Variants in ARMH3 observed in about 807,000 individuals in gnomAD.
ARMH3 encodes the protein armadillo-like helical domain-containing protein 3.
In ARMH3, 60 loss-of-function variants were observed where a neutral mutation model predicts 99.1. The ratio of observed to expected loss-of-function variants is 0.61; its 90% CI spans 0.49 to 0.75. ARMH3 has a LOEUF of 0.75. Among genes scored for constraint, ARMH3 ranks in the 30% least tolerant of loss-of-function variants. The pLI, the probability that ARMH3 is intolerant of heterozygous loss-of-function variation, is 0.00. For missense variants in ARMH3, 679 were observed against 843.1 expected, an observed-to-expected ratio of 0.81 and a Z score of 2.41; for synonymous variants, 285 against 292.8, an observed-to-expected ratio of 0.97 and a Z score of 0.27.
chr10:101,863,159 C>T (rs1269543157), intron 24 of ARMH3, among the ~76,000 whole-genome samples: 3 of 152,128 alleles, frequency 2.0e-5, no homozygotes, highest in Admixed American at 6.5e-5. Context: ...GCCAAGATCA[C>T]GCCACTGCAC....
At chr10:102,024,325 T>C (rs1360010040) in intron 6 of ARMH3, among the ~76,000 whole-genome samples, 2 of 151,784 alleles carry the variant, frequency 1.3e-5, no homozygotes, top group Non-Finnish European at 2.9e-5. Context: ...TGTACATGCC[T>C]GTAATCCCAG....
At chr10:101,887,362 C>CA (rs974154823) in intron 24 of ARMH3, among the ~76,000 whole-genome samples, 14 of 152,036 alleles carry the variant, frequency 9.2e-5, no homozygotes, top group Non-Finnish European at 8.8e-5. Flanking sequence ...ACCTTAGCAC[C>CA]ACAACTTATA....
intron 20 of ARMH3, among the ~76,000 whole-genome samples, chr10:101,962,291 C>T (rs535465557): frequency 2.0e-5 from 3 of 152,298 alleles, no homozygotes; most frequent in South Asian, 2.1e-4. Flanking sequence ...TCCCAAAATA[C>T]CAACGTGAAG....
intron 4 of ARMH3, among the ~76,000 whole-genome samples, chr10:102,032,375 A>T (rs1189512302): frequency 6.6e-6 from 1 of 152,172 alleles, no homozygotes; most frequent in Non-Finnish European, 1.5e-5. Flanking sequence ...ACAGTTTCTT[A>T]ATGTTTTCTG....
At chr10:101,848,746 G>C (rs917150878) in intron 25 of ARMH3, among the ~76,000 whole-genome samples, 2 of 152,066 alleles carry the variant, frequency 1.3e-5, no homozygotes, top group African/African-American at 4.8e-5. Flanking sequence ...TCGAGACACC[G>C]CTCCCGTAAC....
chr10:101,978,299 T>C lies in ARMH3; in HGVS notation c.1407-2999A>G, dbSNP rs182194982. On this transcript the variant is annotated intron_variant, in intron 19 of 25. Transcript: ENST00000370033. Reference sequence around the variant, plus strand: ...CCCCCAAAATTCATATGGTGAATTATAAATACACATCAATTCCTCTAGCTA... The same window carrying C: ...CCCCCAAAATTCATATGGTGAATTACAAATACACATCAATTCCTCTAGCTA... Among the ~76,000 whole-genome samples, 3 of 151,686 alleles carry C rather than the reference T, an allele frequency of 2.0e-5. No homozygotes were observed. In the East Asian group the frequency reaches 5.8e-4, roughly 29 times the overall value.
intron 2 of ARMH3, among the ~76,000 whole-genome samples, chr10:102,038,261 A>AT (rs1192063691): frequency 1.3e-5 from 2 of 151,468 alleles, no homozygotes; most frequent in Non-Finnish European, 2.9e-5. Flanking sequence ...TGCTCAGCTA[A>AT]TTTTTTGTAT....
At chr10:101,915,781 C>G (rs1373061147) in intron 23 of ARMH3, among the ~76,000 whole-genome samples, 1 of 149,952 alleles carries the variant, frequency 6.7e-6, no homozygotes, top group South Asian at 2.1e-4. Context: ...AGCAATATCC[C>G]TTGGCACTAT....
intron 22 of ARMH3, among the ~76,000 whole-genome samples, chr10:101,944,541 T>G (rs1164062462): frequency 6.6e-6 from 1 of 151,962 alleles, no homozygotes; most frequent in African/African-American, 2.4e-5. Context: ...AGGCCAGGCA[T>G]GGTTACTCAC....
At chr10:101,852,593 T>C (rs2066629293) in intron 24 of ARMH3, among the ~76,000 whole-genome samples, 1 of 152,010 alleles carries the variant, frequency 6.6e-6, no homozygotes, top group African/African-American at 2.4e-5. Context: ...CCATCTGTAC[T>C]AAAAATACAA....
intron 23 of ARMH3, among the ~76,000 whole-genome samples, chr10:101,906,785 C>G (rs1189142031): frequency 6.6e-6 from 1 of 152,162 alleles, no homozygotes. Context: ...GAATGACGTT[C>G]AAGAGGCAAG....
intron 24 of ARMH3, among the ~76,000 whole-genome samples, chr10:101,861,981 G>A (rs1589921252): frequency 2.1e-5 from 3 of 145,618 alleles, no homozygotes; most frequent in East Asian, 4.0e-4. Flanking sequence ...CCTGGGAGGC[G>A]GAGCTTGCAG....
At chr10:102,045,722 C>T (rs551999753) in intron 1 of ARMH3, among the ~76,000 whole-genome samples, 1 of 152,106 alleles carries the variant, frequency 6.6e-6, no homozygotes, top group Non-Finnish European at 1.5e-5. Context: ...ATGATACAGT[C>T]ATACAATAGA....
intron 24 of ARMH3, among the ~76,000 whole-genome samples, chr10:101,888,057 TC>T (rs1288441424): frequency 1.4e-5 from 2 of 146,324 alleles, no homozygotes; most frequent in African/African-American, 5.1e-5. Context: ...AGTAAATGTC[TC>T]CTTTTTTTTT....
At chr10:101,950,834 T>C (rs1340353703) in intron 22 of ARMH3, among the ~76,000 whole-genome samples, 2 of 152,190 alleles carry the variant, frequency 1.3e-5, no homozygotes, top group African/African-American at 4.8e-5. Context: ...CATGGGTAGG[T>C]TTCCTGTTGG....
At chr10:101,922,618 TATTC>T (rs577552560) in intron 23 of ARMH3, among the ~76,000 whole-genome samples, 180 of 152,320 alleles carry the variant, frequency 1.2e-3, no homozygotes, top group Non-Finnish European at 2.1e-3. Flanking sequence ...TTATTATATA[TATTC>T]ATTAATAGAA....
At chr10:101,969,004 T>A (rs143816102) in intron 20 of ARMH3, among the ~76,000 whole-genome samples, 103 of 152,316 alleles carry the variant, frequency 6.8e-4, no homozygotes, top group African/African-American at 2.3e-3. Context: ...ATTAGGCACA[T>A]CAGCCTAGAA....
intron 20 of ARMH3, among the ~76,000 whole-genome samples, chr10:101,963,899 C>T (rs1381133080): frequency 1.4e-5 from 2 of 141,110 alleles, no homozygotes; most frequent in Non-Finnish European, 3.0e-5. Flanking sequence ...TTTTTTGAGA[C>T]GGAGTCTTGC....
chr10:101,851,361 A>T (rs2066596434), intron 24 of ARMH3, among the ~76,000 whole-genome samples: 1 of 152,198 alleles, frequency 6.6e-6, no homozygotes, highest in Admixed American at 6.5e-5. Flanking sequence ...AGGGGAGACC[A>T]AGAAAGGGGA....
Sources: gnomAD v4.1 joint callset for allele counts (sites outside exome capture counted in the v4.1 genomes callset) on GRCh38, gnomAD v4.1.1 for gene constraint, MANE v1.5 for transcripts, NCBI Gene and HGNC (gene_info 2026-07-23, HGNC 2026-07-21) for gene names.